The following CAPN3 variants were observed in gnomAD, a reference collection of about 807,000 sequenced individuals.
CAPN3 encodes the protein calpain-3.
Under a neutral mutation model 114.0 loss-of-function variants are expected in CAPN3, and 88 were observed. The observed-to-expected ratio is 0.77, with a 90% CI of 0.65 to 0.92. The LOEUF (loss-of-function observed/expected upper bound fraction) is 0.92. Ranked by LOEUF, CAPN3 falls within the 40% of genes least tolerant of loss-of-function variation. CAPN3 has a pLI of 0.00. For synonymous variants in CAPN3, 386 were observed against 382.9 expected (o/e 1.01, Z -0.09); for missense variants, 1,028 against 1,069.0 (o/e 0.96, Z 0.53).
chr15:42,408,479 C>T (rs763477862), intron 16 of CAPN3, 155 bp downstream of exon 16: 15 of 642,312 alleles, frequency 2.3e-5, no homozygotes, highest in Middle Eastern at 2.5e-4. Context: ...AGCAAGTTCC[C>T]CTGAAATTTG....
chr15:42,411,584 T>C (rs1269539684), intron 23 of CAPN3, among the ~76,000 whole-genome samples, 163 bp from the exon 24 acceptor site: 1 of 149,042 alleles, frequency 6.7e-6, no homozygotes. Flanking sequence ...TTAGGGAAGA[T>C]CTAGGAGAAA....
At chr15:42,403,080 C>T in intron 13 of CAPN3, 78 bp downstream of exon 13, 2 of 1,158,582 alleles carry the variant, frequency 1.7e-6, no homozygotes, top group South Asian at 1.2e-5. Context: ...CATGAGGCAG[C>T]TAGACACGTC....
chr15:42,367,825 TTC>T (rs1421747194), intron 1 of CAPN3, among the ~76,000 whole-genome samples: 1 of 152,208 alleles, frequency 6.6e-6, no homozygotes, highest in African/African-American at 2.4e-5. Flanking sequence ...CCCTATTTTT[TTC>T]TCTCTTTTTT....
Position 42,399,604 on chromosome 15 carries a change from G to A in CAPN3, c.1306G>A (p.Gly436Ser). 1 of 1,613,644 alleles carries A rather than the reference G, an allele frequency of 6.2e-7. No homozygotes were observed. The highest frequency in any genetic ancestry group is 8.5e-7 in the Non-Finnish European group (1 of 1,179,906). ...LQTWTVSVNEGRWVRGCSAGG... is the reference protein window; with the variant it reads ...LQTWTVSVNESRWVRGCSAGG... ...GACCTGGACAGTGTCTGTGAACGAGGGCCGCTGGGTACGGGGTTGCTCTGC... is the reference window on the plus strand; with the variant it reads ...GACCTGGACAGTGTCTGTGAACGAGAGCCGCTGGGTACGGGGTTGCTCTGC... The change falls in exon 10 of 24, where the codon GGC (glycine) becomes AGC (serine). Residue 436 changes from glycine to serine, a missense_variant. Coordinates refer to ENST00000397163, the MANE Select transcript of CAPN3 (RefSeq NM_000070.3).
chr15:42,395,620 A>G (rs1166548476), intron 8 of CAPN3, among the ~76,000 whole-genome samples: 1 of 152,142 alleles, frequency 6.6e-6, no homozygotes, highest in Admixed American at 6.5e-5. Flanking sequence ...TCACTGGCCC[A>G]AGTCACCTGC....
intron 9 of CAPN3, among the ~76,000 whole-genome samples, chr15:42,398,322 T>C (rs1258338555): frequency 1.3e-5 from 2 of 152,064 alleles, no homozygotes; most frequent in Admixed American, 1.3e-4. Flanking sequence ...TGGTGGCTTA[T>C]GCCTGTAATC....
At chr15:42,380,670 A>G (rs1047855392) in intron 1 of CAPN3, among the ~76,000 whole-genome samples, 1 of 143,760 alleles carries the variant, frequency 7.0e-6, no homozygotes, top group African/African-American at 2.6e-5. Context: ...TCTCAGCTTC[A>G]TGGAGTCTTG....
intron 6 of CAPN3, among the ~76,000 whole-genome samples, chr15:42,390,827 A>G (rs1199222244): frequency 5.1e-5 from 6 of 116,556 alleles, no homozygotes; most frequent in Non-Finnish European, 8.4e-5. Flanking sequence ...GTCTTGCTCT[A>G]TTCCCTAGGC....
At chr15:42,380,377 T>C in intron 1 of CAPN3, among the ~76,000 whole-genome samples, 1 of 121,912 alleles carries the variant, frequency 8.2e-6, no homozygotes, top group South Asian at 3.0e-4. Context: ...TCTTTTTTTT[T>C]TTTTTTTTTT....
intron 23 of CAPN3, 125 bp from the exon 24 acceptor site, chr15:42,411,622 A>C: frequency 1.3e-6 from 1 of 746,154 alleles, no homozygotes; most frequent in Non-Finnish European, 2.4e-6. Context: ...GCTTCTTGGA[A>C]AATCTTCTGG....
intron 1 of CAPN3, among the ~76,000 whole-genome samples, chr15:42,376,313 G>A (rs558012480): frequency 1.3e-5 from 2 of 152,190 alleles, no homozygotes; most frequent in African/African-American, 2.4e-5. Flanking sequence ...CCTCTTGAGG[G>A]CAGAGAATCT....
rs1335599371 is a variant in CAPN3, at chr15:42,399,707, AG to A, written c.1354+56del. 7 of 1,457,624 alleles carry A rather than the reference AG, an allele frequency of 4.8e-6. No homozygotes were observed. The East Asian group carries it at 1.7e-4, about 36-fold the overall frequency. 90.3% of individuals were successfully genotyped at this position (1,457,624 alleles called of 1,614,324 possible). ...CTAAGCCGAAAAAGTTCCAGGCAGAAGAAGCCTAACTAGTGCTTATTAAGTC... is the reference window on the plus strand; with the variant it reads ...CTAAGCCGAAAAAGTTCCAGGCAGAAAAGCCTAACTAGTGCTTATTAAGTC... On this transcript the variant is annotated intron_variant, in intron 10 of 23. Coordinates refer to ENST00000397163, the MANE Select transcript of CAPN3 (RefSeq NM_000070.3).
intron 1 of CAPN3, among the ~76,000 whole-genome samples, chr15:42,372,613 C>T (rs1016390270): frequency 4.0e-5 from 6 of 151,572 alleles, no homozygotes; most frequent in African/African-American, 9.7e-5. Flanking sequence ...TTTGGGAGGC[C>T]GAAGCAGGCG....
intron 12 of CAPN3, 139 bp from the exon 13 acceptor site, chr15:42,402,655 T>G: frequency 6.5e-7 from 1 of 1,546,078 alleles, no homozygotes; most frequent in Non-Finnish European, 8.7e-7. Context: ...TATTTAAGCC[T>G]TGGGAGTCGG....
At chr15:42,402,372 C>G in intron 12 of CAPN3, 2 of 1,459,938 alleles carry the variant, frequency 1.4e-6, no homozygotes, top group Non-Finnish European at 1.8e-6. Flanking sequence ...ACGTCACACA[C>G]ATGCCTTTGC....
chr15:42,383,481 CG>C (rs1289590767), intron 1 of CAPN3, among the ~76,000 whole-genome samples: 3 of 151,874 alleles, frequency 2.0e-5, no homozygotes, highest in Non-Finnish European at 4.4e-5. Context: ...CCCAGCTACT[CG>C]GGAGGCTGAG....
At chr15:42,387,161 A>G (rs977758709) in intron 3 of CAPN3, among the ~76,000 whole-genome samples, 4 of 152,256 alleles carry the variant, frequency 2.6e-5, no homozygotes, top group Non-Finnish European at 5.9e-5. Context: ...AGAAAGTGCC[A>G]TTGAAAAGGA....
chr15:42,374,986 A>T (rs541738136), intron 1 of CAPN3, among the ~76,000 whole-genome samples: 5 of 134,026 alleles, frequency 3.7e-5, no homozygotes, highest in Non-Finnish European at 6.3e-5. Context: ...TTTAAATAAA[A>T]ATTTATTTAT....
chr15:42,398,677 ACAC>A (rs1196984926), intron 9 of CAPN3, among the ~76,000 whole-genome samples: 3 of 141,890 alleles, frequency 2.1e-5, no homozygotes, highest in Non-Finnish European at 4.5e-5. Context: ...ATACACACAC[ACAC>A]GTCTGTATAT....
Sources: gnomAD v4.1 joint callset for allele counts (sites outside exome capture counted in the v4.1 genomes callset) on GRCh38, gnomAD v4.1.1 for gene constraint, MANE v1.5 for transcripts, NCBI Gene and HGNC (gene_info 2026-07-23, HGNC 2026-07-21) for gene names.